The following CFAP57 variants were observed in gnomAD, a reference collection of about 807,000 sequenced individuals.
The protein encoded by CFAP57 is cilia- and flagella-associated protein 57.
Under a neutral mutation model 146.8 loss-of-function variants are expected in CFAP57, and 116 were observed. That is an observed-to-expected ratio of 0.79 (90% CI 0.68 to 0.92). CFAP57 has a LOEUF of 0.92. CFAP57 is among the 40% of genes least tolerant of loss of function. The pLI is 0.00. For missense variants in CFAP57, 1,377 were observed against 1,527.2 expected (o/e 0.90, Z 1.64); for synonymous variants, 518 against 552.8 (o/e 0.94, Z 0.88).
chr1:43,241,548 C>T (rs548514301), intron 21 of CFAP57, among the ~76,000 whole-genome samples: 15 of 152,168 alleles, frequency 9.9e-5, no homozygotes, highest in African/African-American at 2.9e-4. Flanking sequence ...GCTCTGACTC[C>T]GTAGCCACCA....
In CFAP57 at chr1:43,221,800, C is replaced by G. The variant is rs193255687; in HGVS notation, c.2342-305C>G. 2.3e-3 allele frequency among the ~76,000 whole-genome samples: 353 copies of G among 152,272 alleles called. 2 individuals are homozygous for G. The highest frequency in any genetic ancestry group is 8.1e-3 in the African/African-American group (335 of 41,536). On this transcript the variant is annotated intron_variant, in intron 14 of 22. Transcript: ENST00000372492. ...TACCGAGCCTCACTTTGCTATAAAG[C>G]AGGAGTCCTAATACTTATTTTTCAC...
intron 13 of CFAP57, among the ~76,000 whole-genome samples, chr1:43,221,048 A>T (rs1570194764): frequency 1.3e-5 from 2 of 152,174 alleles, no homozygotes; most frequent in African/African-American, 4.8e-5. Context: ...GTTGACAGCA[A>T]TGTGCTGGCA....
At position 43,197,558 on chromosome 1, in the gene CFAP57, G is replaced by A. The variant is rs201939738; in HGVS notation, c.1128G>A (p.Glu376=). 3.4e-5 allele frequency: 55 copies of A among 1,613,946 alleles called. No homozygotes were observed. Among genetic ancestry groups the A allele is most frequent in the Admixed American group, 6.7e-5 (4 of 59,984 alleles). Residue 376 remains glutamate, a synonymous_variant, in exon 7 of 23, where the codon GAG becomes GAA. Transcript: ENST00000372492. ...TMSLTEISKG[E]PAHFEYLMYP... The stretch of plus-strand genomic sequence containing the variant: ...GTTCTGTGTGATTTCTCTAGGGGGA[G>A]CCTGCTCACTTTGAGTATTTGATGT...
intron 13 of CFAP57, 106 bp from the exon 14 acceptor site, chr1:43,221,266 G>A (rs1253064353): frequency 2.7e-6 from 2 of 734,304 alleles, no homozygotes; most frequent in East Asian, 2.9e-5. Context: ...ATGAGGGCTT[G>A]AGAAATGTTT....
At position 43,230,548 on chromosome 1, in the gene CFAP57, C is replaced by A. The variant is rs1810969; in HGVS notation, c.3010-1960C>A. Among the ~76,000 whole-genome samples the A allele has an allele frequency of 9.5e-3, 1,454 of 152,288 alleles. 23 individuals carry two copies. The highest frequency in any genetic ancestry group is 0.034 in the African/African-American group (1,399 of 41,558). ...CAGCCTCTTCTCCCTCCCCTCTCCC[C>A]CCTCTTCAAATCCCTGCTCCTGCAG... On this transcript the variant is annotated intron_variant, in intron 18 of 22. Transcript: ENST00000372492.
At chr1:43,182,476 T>G (rs1400911331) in intron 3 of CFAP57, among the ~76,000 whole-genome samples, 1 of 152,198 alleles carries the variant, frequency 6.6e-6, no homozygotes, top group Non-Finnish European at 1.5e-5. Flanking sequence ...TGTTCAGAGA[T>G]TCTAGCTAAT....
chr1:43,247,106 A>G (rs934182789), intron 22 of CFAP57, among the ~76,000 whole-genome samples: 1 of 152,332 alleles, frequency 6.6e-6, no homozygotes, highest in South Asian at 2.1e-4. Flanking sequence ...CCAAACAACA[A>G]TATATAATGT....
chr1:43,249,562 T>C (rs1646257684), intron 22 of CFAP57, among the ~76,000 whole-genome samples: 1 of 148,066 alleles, frequency 6.8e-6, no homozygotes, highest in South Asian at 2.2e-4. Context: ...CCCGAGTAGC[T>C]GGGACTACAG....
intron 2 of CFAP57, among the ~76,000 whole-genome samples, chr1:43,175,262 C>T (rs775523181): frequency 2.4e-4 from 36 of 151,500 alleles, no homozygotes; most frequent in Non-Finnish European, 3.2e-4. Context: ...TACATATATA[C>T]GTATAAAATA....
At chr1:43,181,444 A>G in intron 2 of CFAP57, 90 bp from the exon 3 acceptor site, 1 of 1,477,668 alleles carries the variant, frequency 6.8e-7, no homozygotes, top group Non-Finnish European at 9.3e-7. Context: ...ACCACTGTCC[A>G]CTCCAGTGCC....
chr1:43,243,694 G>T (rs550802294), intron 22 of CFAP57, among the ~76,000 whole-genome samples: 1 of 152,302 alleles, frequency 6.6e-6, no homozygotes, highest in South Asian at 2.1e-4. Context: ...TAGTATTTCT[G>T]TAGTGACATA....
intron 12 of CFAP57, 49 bp downstream of exon 12, chr1:43,215,465 G>T: frequency 6.6e-7 from 1 of 1,526,482 alleles, no homozygotes; most frequent in Non-Finnish European, 8.8e-7. Context: ...TTACCAGACT[G>T]CATTCAGATG....
rs1644960836 is a variant in CFAP57, at chr1:43,219,438, G to A, written c.2148G>A (p.Glu716=). ...TRVEELKMEN[E]YQLRLKDMNY... is the part of the protein sequence containing the mutation. ...TGGAGGAATTAAAAATGGAGAATGAGTATCAACTCCGACTAAAGGACATGA... is the reference window on the plus strand; with the variant it reads ...TGGAGGAATTAAAAATGGAGAATGAATATCAACTCCGACTAAAGGACATGA... The change falls in exon 13 of 23, where the codon GAG becomes GAA. Residue 716 remains glutamate (E), a synonymous_variant. Coordinates refer to ENST00000372492, the MANE Select transcript of CFAP57 (RefSeq NM_001378189.1). The A allele has an allele frequency of 1.3e-6, 2 of 1,550,586 alleles. No individual in the cohort carries two copies. The highest frequency in any genetic ancestry group is 1.7e-6 in the Non-Finnish European group (2 of 1,146,984).
In CFAP57 at chr1:43,238,084, T is replaced by C. The variant is rs1338086293; in HGVS notation, c.3405+3446T>C. Among the ~76,000 whole-genome samples, 1 of 152,110 alleles carries C rather than the reference T, an allele frequency of 6.6e-6. No homozygotes were observed. Among genetic ancestry groups the C allele is most frequent in the Non-Finnish European group, 1.5e-5 (1 of 68,018 alleles). ...TGTCAGGTTAGACATGGGAGGAAGG[T>C]TGAAAGAACGGAGAAGGATTCCAGG... On this transcript the variant is annotated intron_variant, in intron 21 of 22. Coordinates refer to ENST00000372492, the MANE Select transcript of CFAP57 (RefSeq NM_001378189.1). The surrounding 1 kb of genome is among the most constrained non-coding windows in gnomAD (Gnocchi z 4.3).
At chr1:43,244,670 C>T (rs143023827) in intron 22 of CFAP57, among the ~76,000 whole-genome samples, 15 of 151,744 alleles carry the variant, frequency 9.9e-5, no homozygotes, top group African/African-American at 2.7e-4. Context: ...TTTGGGAGGC[C>T]GAGGCAGGCA....
chr1:43,234,377 A>G lies in CFAP57; in HGVS notation c.3225A>G (p.Arg1075=), dbSNP rs1325513568. The G allele has an allele frequency of 6.4e-7, 1 of 1,550,412 alleles. No homozygotes were observed. Among genetic ancestry groups the G allele is most frequent in the East Asian group, 2.4e-5 (1 of 40,918 alleles). Residue 1075 remains arginine, a synonymous_variant, in exon 20 of 23, where the codon CGA becomes CGG. Transcript: ENST00000372492. ...QEPRLLKEKV[R]GLFEKYVQRA... Reference sequence around the variant, plus strand: ...CGCGGCTGCTGAAGGAGAAGGTTCGAGGTCTCTTTGAGAAGTACGTGCAGC... The same window carrying G: ...CGCGGCTGCTGAAGGAGAAGGTTCGGGGTCTCTTTGAGAAGTACGTGCAGC...
At chr1:43,246,383 T>C (rs1383541756) in intron 22 of CFAP57, among the ~76,000 whole-genome samples, 5 of 152,088 alleles carry the variant, frequency 3.3e-5, no homozygotes, top group African/African-American at 4.8e-5. Flanking sequence ...AAATAAATGG[T>C]CAAGTGATTG....
intron 6 of CFAP57, among the ~76,000 whole-genome samples, chr1:43,193,905 T>C (rs538317490): frequency 3.9e-5 from 6 of 152,142 alleles, no homozygotes; most frequent in Non-Finnish European, 8.8e-5. Context: ...CCACCATTTG[T>C]GTGCTATTAC....
rs184439522 is a variant in CFAP57, at chr1:43,222,925, T to C, written c.2634T>C (p.Tyr878=). 115 of 1,549,370 alleles carry C rather than the reference T, an allele frequency of 7.4e-5. 1 individual carries two copies. In the Admixed American group the frequency reaches 1.5e-3, roughly 20 times the overall value. Residue 878 remains tyrosine (Y), a synonymous_variant, in exon 16 of 23, where the codon TAT becomes TAC. Coordinates refer to ENST00000372492, the MANE Select transcript of CFAP57 (RefSeq NM_001378189.1). ...AAATCCAAGATATCAAAACCAAGTA[T>C]GAGAAAAAGCTTCGGGATGAAAAGG... is the stretch of plus-strand genomic sequence containing the variant. ...DREIQDIKTK[Y]EKKLRDEKES...
Sources: gnomAD v4.1 joint callset for allele counts (sites outside exome capture counted in the v4.1 genomes callset) on GRCh38, gnomAD v4.1.1 for gene constraint, Gnocchi (gnomAD v3.1) non-coding constraint, MANE v1.5 for transcripts, NCBI Gene and HGNC (gene_info 2026-07-23, HGNC 2026-07-21) for gene names.